The following SFTPD variants were observed in gnomAD, a reference collection of about 807,000 sequenced individuals.
SFTPD encodes the protein pulmonary surfactant-associated protein D.
SFTPD carries 18 observed loss-of-function variants against 34.6 expected under a neutral mutation model. The ratio of observed to expected loss-of-function variants is 0.52; its 90% CI spans 0.36 to 0.77. The LOEUF (loss-of-function observed/expected upper bound fraction) is 0.77. Ranked by LOEUF, SFTPD falls within the 30% of genes least tolerant of loss-of-function variation. The pLI, the probability that SFTPD is intolerant of heterozygous loss-of-function variation, is 0.00. For missense variants in SFTPD, 433 were observed against 468.9 expected, an observed-to-expected ratio of 0.92 and a Z score of 0.71; for synonymous variants, 155 against 180.9, an observed-to-expected ratio of 0.86 and a Z score of 1.15.
intron 7 of SFTPD, among the ~76,000 whole-genome samples, chr10:79,939,128 GT>G (rs1414416249): frequency 6.6e-6 from 1 of 152,220 alleles, no homozygotes; most frequent in African/African-American, 2.4e-5. Flanking sequence ...CCTTTTCAGG[GT>G]TTCCATTTCC....
chr10:79,970,496 C>G (rs1224703698), intron 1 of SFTPD: 1 of 152,076 alleles, frequency 6.6e-6, no homozygotes, highest in African/African-American at 2.4e-5. Flanking sequence ...TTTTTTCAAA[C>G]TGTGAACATG....
chr10:79,954,984 A>C (rs1458186864), intron 1 of SFTPD, among the ~76,000 whole-genome samples: 1 of 152,142 alleles, frequency 6.6e-6, no homozygotes, highest in Non-Finnish European at 1.5e-5. Context: ...CACTTGATAC[A>C]CCACTTCCTT....
intron 1 of SFTPD, among the ~76,000 whole-genome samples, chr10:79,973,566 C>T (rs1036498531): frequency 2.2e-5 from 3 of 136,282 alleles, no homozygotes; most frequent in African/African-American, 8.4e-5. Flanking sequence ...TGCAGTGAGC[C>T]GGGATCCCGC....
upstream of SFTPD, among the ~76,000 whole-genome samples, chr10:79,951,376 G>T (rs1445553539): frequency 6.6e-6 from 1 of 152,154 alleles, no homozygotes; most frequent in African/African-American, 2.4e-5. Flanking sequence ...TTGAAGGTGT[G>T]ACTGTATGTT....
In SFTPD at chr10:79,946,466, T is replaced by A. The variant is rs771838924; in HGVS notation, c.194A>T (p.Asp65Val). ...GREGPRGEKGDPGLPGAAGQA... is the reference protein window; with the variant it reads ...GREGPRGEKGVPGLPGAAGQA... ...AGCCCAGGGCCCCACCCTACCTGGG[T>A]CCCCCTTCTCGCCCCGAGGGCCCTC... Residue 65 changes from aspartate (D) to valine (V), a missense_variant, in exon 2 of 8, where the codon GAC (aspartate) becomes GTC (valine). Physicochemically the swap from Asp to Val is radical, Grantham distance 152. Coordinates refer to ENST00000372292, the MANE Select transcript of SFTPD (RefSeq NM_003019.5). 6.2e-6 allele frequency: 10 copies of A among 1,612,564 alleles called. No homozygotes were observed. In the South Asian group the frequency reaches 1.1e-4, roughly 18 times the overall value.
chr10:79,954,501 A>G (rs1842728343), intron 1 of SFTPD, among the ~76,000 whole-genome samples: 1 of 152,144 alleles, frequency 6.6e-6, no homozygotes, highest in South Asian at 2.1e-4. Flanking sequence ...GCCTGCTGTC[A>G]GTATCTGCAG....
intron 7 of SFTPD, among the ~76,000 whole-genome samples, chr10:79,939,673 A>T (rs1842592690): frequency 6.6e-6 from 1 of 152,238 alleles, no homozygotes; most frequent in African/African-American, 2.4e-5. Flanking sequence ...ATTAGAGCAT[A>T]TGCAGAAAGA....
intron 1 of SFTPD, among the ~76,000 whole-genome samples, chr10:79,957,758 T>C (rs1842748430): frequency 6.6e-6 from 1 of 152,150 alleles, no homozygotes; most frequent in South Asian, 2.1e-4. Context: ...TTCCCCAATG[T>C]AGCAAGGCAG....
rs549136994 is a variant in SFTPD at position 79,976,150 on chromosome 10, G to C, written c.36+6425C>G. Among the ~76,000 whole-genome samples, 10 of 152,342 alleles carry C rather than the reference G, an allele frequency of 6.6e-5. 1 individual carries two copies. In the East Asian group the frequency reaches 1.9e-3, roughly 29 times the overall value. On this transcript the variant is annotated intron_variant, in intron 1 of 5. Coordinates refer to the SFTPD transcript ENST00000444384. ...GATACAGTGGCCTTAAGAAAAACAAGTTTCTCTTTTGGCAAAAGAATCAAA... is the reference window on the plus strand; with the variant it reads ...GATACAGTGGCCTTAAGAAAAACAACTTTCTCTTTTGGCAAAAGAATCAAA...
At chr10:79,968,982 C>T (rs1458048857) in intron 1 of SFTPD, 1 of 152,048 alleles carries the variant, frequency 6.6e-6, no homozygotes, top group East Asian at 1.9e-4. Context: ...AGTGTTTGCT[C>T]ATGTCCTTTG....
intron 1 of SFTPD, among the ~76,000 whole-genome samples, chr10:79,976,081 C>A (rs1589344672): frequency 7.4e-6 from 1 of 135,352 alleles, no homozygotes; most frequent in Non-Finnish European, 1.6e-5. Flanking sequence ...GGCCTGTTCC[C>A]AACACAGAAG....
intron 5 of SFTPD, 125 bp downstream of exon 5, chr10:79,941,829 T>C: frequency 1.4e-6 from 1 of 728,486 alleles, no homozygotes; most frequent in Non-Finnish European, 2.4e-6. Context: ...GGATACAGAT[T>C]CTCTCCATGT....
At chr10:79,955,070 C>T (rs1433841114) in intron 1 of SFTPD, among the ~76,000 whole-genome samples, 2 of 152,174 alleles carry the variant, frequency 1.3e-5, no homozygotes, top group Non-Finnish European at 2.9e-5. Flanking sequence ...AGCTTGGGGC[C>T]TTCGCAGCCT....
intron 1 of SFTPD, chr10:79,968,685 A>G (rs769133568): frequency 7.9e-5 from 12 of 152,192 alleles, no homozygotes; most frequent in Non-Finnish European, 1.8e-4. Context: ...ATACCCAGTA[A>G]TGAGACTGTG....
chr10:79,974,724 T>C (rs1037220021), intron 1 of SFTPD, among the ~76,000 whole-genome samples: 5 of 152,244 alleles, frequency 3.3e-5, no homozygotes, highest in East Asian at 1.9e-4. Flanking sequence ...TTTGTATATA[T>C]ACAGATGTGC....
chr10:79,952,575 A>G (rs1032222584), upstream of SFTPD, among the ~76,000 whole-genome samples: 1 of 152,282 alleles, frequency 6.6e-6, no homozygotes, highest in South Asian at 2.1e-4. Flanking sequence ...ACGTTGGCAC[A>G]GACACTCTCC....
chr10:79,942,377 C>T lies in SFTPD; in HGVS notation c.433+11G>A, dbSNP rs1461167251. The T allele has an allele frequency of 6.4e-7, 1 of 1,573,352 alleles. No individual in the cohort carries two copies. Among genetic ancestry groups the T allele is most frequent in the East Asian group, 2.2e-5 (1 of 44,546 alleles). On this transcript the variant is annotated intron_variant, in intron 4 of 7. Transcript: ENST00000372292. ...TTCCCTTCTCAGACTGGCCACAGAC[C>T]AGCCACCTACCTTTGGGCCCAGCTT...
At chr10:79,942,191 C>A in intron 4 of SFTPD, 121 bp from the exon 5 acceptor site, 1 of 795,134 alleles carries the variant, frequency 1.3e-6, no homozygotes, top group South Asian at 1.6e-5. Flanking sequence ...GGGAGACTCT[C>A]CTTGCTTTCT....
At chr10:79,961,849 G>C (rs925299297) in intron 1 of SFTPD, among the ~76,000 whole-genome samples, 7 of 151,968 alleles carry the variant, frequency 4.6e-5, no homozygotes, top group South Asian at 2.1e-4. Flanking sequence ...ACACACGTAT[G>C]TTTATTGTGG....
Sources: gnomAD v4.1 joint callset for allele counts (sites outside exome capture counted in the v4.1 genomes callset) on GRCh38, gnomAD v4.1.1 for gene constraint, MANE v1.5 for transcripts, NCBI Gene and HGNC (gene_info 2026-07-23, HGNC 2026-07-21) for gene names.